The following STK32B variants were observed in gnomAD, a reference collection of about 807,000 sequenced individuals.
STK32B encodes the protein serine/threonine-protein kinase 32B.
Under a neutral mutation model 52.6 loss-of-function variants are expected in STK32B, and 43 were observed. The observed-to-expected ratio is 0.82, with a 90% CI of 0.64 to 1.05. The LOEUF is 1.05. Ranked by LOEUF, STK32B falls within the 50% of genes least tolerant of loss-of-function variation. The probability of loss-of-function intolerance (pLI) is 0.00; values close to 1 mark genes in which losing one functional copy is unlikely to be tolerated. For missense variants in STK32B, 621 were observed against 534.6 expected (o/e 1.16, Z -1.59); for synonymous variants, 238 against 204.3 (o/e 1.17, Z -1.41).
chr4:5,441,072 T>C (rs1242951905), intron 6 of STK32B, among the ~76,000 whole-genome samples: 8 of 150,064 alleles, frequency 5.3e-5, no homozygotes, highest in African/African-American at 2.0e-4. Flanking sequence ...TTCTCTTTTT[T>C]GGTTGTGTCT....
intron 3 of STK32B, among the ~76,000 whole-genome samples, chr4:5,209,589 A>G (rs1315220117): frequency 6.6e-6 from 1 of 152,184 alleles, no homozygotes; most frequent in African/African-American, 2.4e-5. Flanking sequence ...GAAAGGAAGA[A>G]TAGTGTGCAA....
intron 1 of STK32B, among the ~76,000 whole-genome samples, chr4:5,116,404 A>G (rs1022785794): frequency 7.2e-5 from 11 of 152,202 alleles, no homozygotes; most frequent in African/African-American, 2.4e-4. Flanking sequence ...ATATATTTAC[A>G]GTCTATGGCT....
rs537288763 is a variant in STK32B at position 5,395,666 on chromosome 4, G to T, written c.435-2541G>T. Among the ~76,000 whole-genome samples the T allele has an allele frequency of 3.3e-5, 5 of 152,190 alleles. No homozygotes were observed. The highest frequency in any genetic ancestry group is 2.0e-4 in the Admixed American group (3 of 15,288). On this transcript the variant is annotated intron_variant, in intron 4 of 11. Transcript: ENST00000282908. The surrounding 1 kb of genome is among the most constrained non-coding windows in gnomAD (Gnocchi z 4.4). ...TCATGACCGCAAAGGGGACACCCCC[G>T]TAAATGCTTGAGATTCCACTCTGTG...
At chr4:5,084,034 G>C (rs1712585929) in intron 1 of STK32B, among the ~76,000 whole-genome samples, 1 of 152,204 alleles carries the variant, frequency 6.6e-6, no homozygotes, top group East Asian at 1.9e-4. Flanking sequence ...ACCATGCCCA[G>C]TCTGTTACCT....
intron 11 of STK32B, among the ~76,000 whole-genome samples, chr4:5,477,731 C>G (rs1718352237): frequency 6.6e-6 from 1 of 152,136 alleles, no homozygotes; most frequent in Non-Finnish European, 1.5e-5. Context: ...CACGCTCCAG[C>G]CTGATGGTAG....
At chr4:5,169,202 A>G (rs1037823912) in intron 3 of STK32B, among the ~76,000 whole-genome samples, 4 of 152,156 alleles carry the variant, frequency 2.6e-5, no homozygotes, top group Non-Finnish European at 4.4e-5. Flanking sequence ...TGCCATCTTT[A>G]TCACAGTGAA....
chr4:5,240,014 C>G (rs1460340574), intron 3 of STK32B, among the ~76,000 whole-genome samples: 1 of 151,928 alleles, frequency 6.6e-6, no homozygotes, highest in African/African-American at 2.4e-5. Flanking sequence ...TTTCCCATCT[C>G]TCTCTCCCTT....
intron 2 of STK32B, among the ~76,000 whole-genome samples, chr4:5,143,011 A>G (rs974004141): frequency 1.2e-4 from 19 of 152,332 alleles, no homozygotes; most frequent in African/African-American, 4.6e-4. Flanking sequence ...CCAGCCTGCC[A>G]GCATGCCCTG....
At chr4:5,102,655 C>G (rs1174387259) in intron 1 of STK32B, among the ~76,000 whole-genome samples, 1 of 151,828 alleles carries the variant, frequency 6.6e-6, no homozygotes, top group Non-Finnish European at 1.5e-5. Context: ...CCTCAGCCTC[C>G]CAAGTAGCTG....
chr4:5,021,127 C>T, the STK32B span, among the ~76,000 whole-genome samples: 1 of 152,198 alleles, frequency 6.6e-6, no homozygotes, highest in Non-Finnish European at 1.5e-5. Context: ...AGCTTGTCCC[C>T]ACTGTATTTG....
At position 5,196,705 on chromosome 4, in the gene STK32B, A is replaced by AT. The variant is rs1318840262; in HGVS notation, c.260+28255_260+28256insT. 3.3e-5 allele frequency among the ~76,000 whole-genome samples: 5 copies of AT among 149,524 alleles called. No homozygotes were observed. The Admixed American group carries it at 3.4e-4, about 10-fold the overall frequency. Reference sequence around the variant, plus strand: ...CACTGCTCTCCAGTCTGGGCGGCAGAGCGAGACTCTGTCTCAAAAAAATAA... The same window carrying AT: ...CACTGCTCTCCAGTCTGGGCGGCAGATGCGAGACTCTGTCTCAAAAAAATAA... On this transcript the variant is annotated intron_variant, in intron 3 of 11. Transcript: ENST00000282908.
At chr4:5,221,700 A>G (rs574327691) in intron 3 of STK32B, among the ~76,000 whole-genome samples, 83 of 152,140 alleles carry the variant, frequency 5.5e-4, no homozygotes, top group Non-Finnish European at 1.1e-3. Flanking sequence ...TACTAAAAAT[A>G]CAAAAATTAG....
At chr4:5,099,455 C>T (rs940305957) in intron 1 of STK32B, among the ~76,000 whole-genome samples, 2 of 36,570 alleles carry the variant, frequency 5.5e-5, no homozygotes, top group Admixed American at 2.4e-4. Flanking sequence ...TGTGTGCGCG[C>T]GCGCGTATGT....
intron 3 of STK32B, among the ~76,000 whole-genome samples, chr4:5,205,101 G>A (rs1442605023): frequency 6.6e-6 from 1 of 152,178 alleles, no homozygotes; most frequent in Non-Finnish European, 1.5e-5. Flanking sequence ...CTCTCTTCTA[G>A]AGCAGGGACA....
rs963634388 is a variant in STK32B, at chr4:5,393,195, C to A, written c.435-5012C>A. Reference sequence around the variant, plus strand: ...ACCCCCAGTAAATGCCTTTGGTCATCCTTCCCTAGTGCCTGTTCTGTTGGC... The same window carrying A: ...ACCCCCAGTAAATGCCTTTGGTCATACTTCCCTAGTGCCTGTTCTGTTGGC... On this transcript the variant is annotated intron_variant, in intron 4 of 11. Coordinates refer to ENST00000282908, the MANE Select transcript of STK32B (RefSeq NM_018401.3). Among the ~76,000 whole-genome samples the A allele has an allele frequency of 3.9e-5, 6 of 152,150 alleles. No homozygotes were observed. In the East Asian group the frequency reaches 7.7e-4, roughly 20 times the overall value.
chr4:5,157,673 T>C (rs990188993), intron 2 of STK32B, among the ~76,000 whole-genome samples: 4 of 152,220 alleles, frequency 2.6e-5, no homozygotes. Context: ...TGCCCAGCAC[T>C]GTGTCTGCCA....
At chr4:5,315,444 T>C (rs1001782923) in intron 3 of STK32B, among the ~76,000 whole-genome samples, 2 of 152,166 alleles carry the variant, frequency 1.3e-5, no homozygotes, top group Admixed American at 6.6e-5. Context: ...TGAGTATTTA[T>C]ATGTCAAACA....
intron 1 of STK32B, among the ~76,000 whole-genome samples, chr4:5,072,626 T>G (rs1313242179): frequency 6.6e-6 from 1 of 152,158 alleles, no homozygotes; most frequent in Non-Finnish European, 1.5e-5. Context: ...TTGCAATCAT[T>G]TGGAGTTTAT....
At position 5,473,836 on chromosome 4, in the gene STK32B, C is replaced by T. The variant is rs529190399; in HGVS notation, c.1106+5766C>T. ...AGACAGTCAAAAGATATTTAAAGACCGGACACGGTGGTTCACACCTGTAAT... is the reference window on the plus strand; with the variant it reads ...AGACAGTCAAAAGATATTTAAAGACTGGACACGGTGGTTCACACCTGTAAT... On this transcript the variant is annotated intron_variant, in intron 11 of 11. Coordinates refer to ENST00000282908, the MANE Select transcript of STK32B (RefSeq NM_018401.3). Among the ~76,000 whole-genome samples, 102 of 152,228 alleles carry T rather than the reference C, an allele frequency of 6.7e-4. 1 individual carries two copies. Among genetic ancestry groups the T allele is most frequent in the African/African-American group, 2.2e-3 (92 of 41,548 alleles).
Sources: gnomAD v4.1 joint callset for allele counts (sites outside exome capture counted in the v4.1 genomes callset) on GRCh38, gnomAD v4.1.1 for gene constraint, Gnocchi (gnomAD v3.1) non-coding constraint, MANE v1.5 for transcripts, NCBI Gene and HGNC (gene_info 2026-07-23, HGNC 2026-07-21) for gene names.